PACRG: variants seen among roughly 807,000 people sequenced by gnomAD.
PACRG encodes the protein parkin coregulated.
A neutral mutation model predicts 29.7 loss-of-function variants in PACRG; 29 were observed. That is an observed-to-expected ratio of 0.98 (90% CI 0.73 to 1.33). The LOEUF is 1.33. Ranked by LOEUF, PACRG falls within the 40% of genes most tolerant of loss-of-function variation. The pLI is 0.00. For synonymous variants in PACRG, 116 were observed against 118.7 expected (o/e 0.98, Z 0.15); for missense variants, 279 against 316.2 (o/e 0.88, Z 0.89).
At chr6:163,186,823 C>G (rs911668107) in intron 4 of PACRG, among the ~76,000 whole-genome samples, 7 of 152,256 alleles carry the variant, frequency 4.6e-5, no homozygotes, top group African/African-American at 1.7e-4. Context: ...TCTGTTCCTA[C>G]CCGCTGAGGG....
chr6:163,194,153 C>T (rs1780343529), intron 4 of PACRG, among the ~76,000 whole-genome samples: 1 of 152,106 alleles, frequency 6.6e-6, no homozygotes, highest in Non-Finnish European at 1.5e-5. Context: ...TAATACTAAT[C>T]AGATTTGACA....
chr6:163,001,376 A>G (rs7768238), intron 2 of PACRG, among the ~76,000 whole-genome samples: 53,752 of 152,018 alleles, frequency 0.35, 10,355 homozygotes, highest in East Asian at 0.68. Flanking sequence ...CAACTTTCAT[A>G]TTTATGTATC....
chr6:163,098,166 T>C (rs1393555198), intron 4 of PACRG, among the ~76,000 whole-genome samples: 3 of 152,134 alleles, frequency 2.0e-5, no homozygotes, highest in Non-Finnish European at 4.4e-5. Context: ...GATAGGAATT[T>C]GGGCAAGAGA....
intron 2 of PACRG, among the ~76,000 whole-genome samples, chr6:162,856,842 C>A (rs751528040): frequency 6.6e-6 from 1 of 152,142 alleles, no homozygotes; most frequent in Non-Finnish European, 1.5e-5. Flanking sequence ...AAGCTTATTT[C>A]CCCCTGAATT....
chr6:162,913,371 T>C (rs1385724863), intron 2 of PACRG, among the ~76,000 whole-genome samples: 2 of 152,218 alleles, frequency 1.3e-5, no homozygotes, highest in Non-Finnish European at 2.9e-5. Flanking sequence ...ATGTTCATTC[T>C]TGTTGCCTGT....
intron 1 of PACRG, among the ~76,000 whole-genome samples, chr6:162,764,201 G>A (rs2128294747): frequency 6.6e-6 from 1 of 152,264 alleles, no homozygotes; most frequent in African/African-American, 2.4e-5. Context: ...CTTGAACCCA[G>A]GAGGCGGAGG....
chr6:162,947,669 A>G (rs1799347125), intron 2 of PACRG, among the ~76,000 whole-genome samples: 1 of 112,582 alleles, frequency 8.9e-6, no homozygotes, highest in African/African-American at 3.3e-5. Context: ...TTCCACCAAA[A>G]ATCTCCTAGA....
At chr6:162,797,343 C>T (rs1190708338) in intron 1 of PACRG, among the ~76,000 whole-genome samples, 1 of 152,152 alleles carries the variant, frequency 6.6e-6, no homozygotes. Context: ...ACCTAAAGGG[C>T]ACTTTTCCTG....
intron 4 of PACRG, among the ~76,000 whole-genome samples, chr6:163,268,629 A>G (rs755944187): frequency 2.0e-4 from 30 of 151,692 alleles, no homozygotes; most frequent in Non-Finnish European, 4.0e-4. Flanking sequence ...TTTTTTTTCC[A>G]ATTGTTTTAT....
chr6:163,273,821 T>C (rs765920490), intron 4 of PACRG, among the ~76,000 whole-genome samples: 12 of 152,180 alleles, frequency 7.9e-5, no homozygotes, highest in Non-Finnish European at 1.6e-4. Flanking sequence ...TCTAGTTAAT[T>C]AATTTCAGCT....
At chr6:162,856,676 T>C (rs892662158) in intron 2 of PACRG, among the ~76,000 whole-genome samples, 2 of 152,210 alleles carry the variant, frequency 1.3e-5, no homozygotes, top group Non-Finnish European at 2.9e-5. Flanking sequence ...TTTTCATATA[T>C]GATGTGATTA....
At chr6:162,995,344 C>T (rs60006498) in intron 2 of PACRG, among the ~76,000 whole-genome samples, 9,478 of 151,102 alleles carry the variant, frequency 0.063, 757 homozygotes, top group African/African-American at 0.19. Flanking sequence ...CCCAGCCTCG[C>T]TGCCGCCTTG....
intron 1 of PACRG, 97 bp from the exon 2 acceptor site, chr6:162,814,050 A>G: frequency 1.5e-6 from 2 of 1,313,406 alleles, no homozygotes; most frequent in Non-Finnish European, 2.1e-6. Flanking sequence ...CAACATATTT[A>G]TACAAACTGA....
chr6:163,057,241 A>G (rs535263014), intron 2 of PACRG, among the ~76,000 whole-genome samples: 1 of 152,284 alleles, frequency 6.6e-6, no homozygotes, highest in Non-Finnish European at 1.5e-5. Context: ...AAATAATAAA[A>G]ACTCAAAAAC....
chr6:163,144,347 T>TACAC (rs34737289), intron 4 of PACRG, among the ~76,000 whole-genome samples: 15 of 93,894 alleles, frequency 1.6e-4, no homozygotes, highest in South Asian at 4.7e-4. Context: ...CACACATACA[T>TACAC]ACACACACAC....
intron 1 of PACRG, among the ~76,000 whole-genome samples, chr6:162,801,071 A>G (rs1785816427): frequency 6.6e-6 from 1 of 152,058 alleles, no homozygotes. Flanking sequence ...AAGCTGAAAA[A>G]CCAGCTGTAG....
chr6:162,981,554 T>C (rs1802436194), intron 2 of PACRG, among the ~76,000 whole-genome samples: 1 of 151,894 alleles, frequency 6.6e-6, no homozygotes, highest in Non-Finnish European at 1.5e-5. Context: ...TTTTAGGATT[T>C]TTTTTCTAGT....
At chr6:163,020,868 A>G (rs1274636461) in intron 2 of PACRG, among the ~76,000 whole-genome samples, 1 of 152,132 alleles carries the variant, frequency 6.6e-6, no homozygotes, top group Non-Finnish European at 1.5e-5. Flanking sequence ...CCCTGCCACC[A>G]TCAATCAGCA....
chr6:163,037,668 C>T (rs1010485846), intron 2 of PACRG, among the ~76,000 whole-genome samples: 2 of 152,254 alleles, frequency 1.3e-5, no homozygotes, highest in African/African-American at 4.8e-5. Context: ...CCTCTCGCAA[C>T]ATACTCGGGC....
Sources: gnomAD v4.1 joint callset for allele counts (sites outside exome capture counted in the v4.1 genomes callset) on GRCh38, gnomAD v4.1.1 for gene constraint, MANE v1.5 for transcripts, NCBI Gene and HGNC (gene_info 2026-07-23, HGNC 2026-07-21) for gene names.